The following IMMP1L variants were observed in gnomAD, a reference collection of about 807,000 sequenced individuals.
The protein encoded by IMMP1L is inner mitochondrial membrane peptidase subunit 1.
IMMP1L carries 24 observed loss-of-function variants against 21.8 expected under a neutral mutation model. The ratio of observed to expected loss-of-function variants is 1.10; its 90% CI spans 0.80 to 1.55. The LOEUF (loss-of-function observed/expected upper bound fraction) is 1.55, where lower values mean the gene tolerates loss of function less well. IMMP1L is among the 40% of genes most tolerant of loss of function. The pLI is 0.00. For synonymous variants in IMMP1L, 46 were observed against 62.8 expected (o/e 0.73, Z 1.26); for missense variants, 195 against 200.7 (o/e 0.97, Z 0.17).
chr11:31,500,057 G>C (rs2133822297), intron 1 of IMMP1L, among the ~76,000 whole-genome samples: 2 of 152,188 alleles, frequency 1.3e-5, no homozygotes, highest in Non-Finnish European at 2.9e-5. Context: ...TCCTCATCTG[G>C]CTATTAGAGA....
At chr11:31,466,669 T>C (rs1294365075) in intron 1 of IMMP1L, among the ~76,000 whole-genome samples, 1 of 151,964 alleles carries the variant, frequency 6.6e-6, no homozygotes, top group Non-Finnish European at 1.5e-5. Context: ...GGAAGAAAAA[T>C]ACCTTATGTT....
intron 4 of IMMP1L, among the ~76,000 whole-genome samples, chr11:31,444,582 T>C (rs972708501): frequency 2.0e-5 from 3 of 151,688 alleles, no homozygotes; most frequent in Admixed American, 1.3e-4. Context: ...AACTAACATT[T>C]CTATTCTTTT....
chr11:31,448,971 A>G, intron 4 of IMMP1L: 1 of 985,436 alleles, frequency 1.0e-6, no homozygotes, highest in Non-Finnish European at 1.2e-6. Flanking sequence ...CTTTAGCAAA[A>G]GAGTAAACAT....
intron 1 of IMMP1L, among the ~76,000 whole-genome samples, chr11:31,494,621 CAT>C (rs948893229): frequency 1.3e-5 from 2 of 152,098 alleles, no homozygotes; most frequent in African/African-American, 4.8e-5. Flanking sequence ...TTTTATATCA[CAT>C]AGTCAGGCTG....
chr11:31,475,240 A>G (rs1476670038), intron 1 of IMMP1L, among the ~76,000 whole-genome samples: 1 of 152,234 alleles, frequency 6.6e-6, no homozygotes, highest in African/African-American at 2.4e-5. Context: ...GATCATTTTA[A>G]TATAAGAAAG....
At chr11:31,496,658 A>G (rs917354790) in intron 1 of IMMP1L, among the ~76,000 whole-genome samples, 2 of 150,922 alleles carry the variant, frequency 1.3e-5, no homozygotes, top group Non-Finnish European at 3.0e-5. Flanking sequence ...ATGTTATCTT[A>G]TATATATGTT....
intron 4 of IMMP1L, chr11:31,437,016 A>T: frequency 3.7e-6 from 1 of 267,086 alleles, no homozygotes; most frequent in East Asian, 8.0e-5. Context: ...AAACAGCTTC[A>T]TCACTGATGT....
At chr11:31,508,197 G>C (rs1955847391) in intron 1 of IMMP1L, among the ~76,000 whole-genome samples, 8 of 152,152 alleles carry the variant, frequency 5.3e-5, no homozygotes, top group Admixed American at 5.2e-4. Context: ...GTTTCTATCT[G>C]ATATTGGACT....
intron 1 of IMMP1L, among the ~76,000 whole-genome samples, chr11:31,464,982 G>GA (rs1295497517): frequency 6.6e-6 from 1 of 151,916 alleles, no homozygotes; most frequent in Non-Finnish European, 1.5e-5. Flanking sequence ...CATCCAAATT[G>GA]AAAAAGAGGA....
chr11:31,453,470 T>C (rs1054795945), intron 4 of IMMP1L, among the ~76,000 whole-genome samples: 5 of 152,212 alleles, frequency 3.3e-5, no homozygotes, highest in Non-Finnish European at 7.4e-5. Context: ...CAATGATTTT[T>C]CTTAGAGGAT....
At chr11:31,459,719 T>C (rs1325094571) in intron 3 of IMMP1L, among the ~76,000 whole-genome samples, 2 of 152,104 alleles carry the variant, frequency 1.3e-5, no homozygotes, top group Non-Finnish European at 2.9e-5. Context: ...TTCTCCTGCC[T>C]CAGCCTGCTG....
chr11:31,456,232 A>T, intron 4 of IMMP1L, 28 bp downstream of exon 4: 1 of 1,495,210 alleles, frequency 6.7e-7, no homozygotes. Flanking sequence ...TATGACACCA[A>T]AAATAACATA....
intron 1 of IMMP1L, among the ~76,000 whole-genome samples, chr11:31,487,091 GTTATAA>G (rs572633543): frequency 3.3e-5 from 5 of 151,578 alleles, no homozygotes; most frequent in African/African-American, 1.2e-4. Context: ...ACAACAAAAA[GTTATAA>G]TTATATACTT....
At chr11:31,507,750 C>T (rs1283929734) in intron 1 of IMMP1L, among the ~76,000 whole-genome samples, 2 of 152,008 alleles carry the variant, frequency 1.3e-5, no homozygotes. Context: ...TATTATATAA[C>T]ATGAATTTAT....
chr11:31,449,302 G>A (rs1336856096), intron 4 of IMMP1L, among the ~76,000 whole-genome samples: 1 of 152,078 alleles, frequency 6.6e-6, no homozygotes, highest in East Asian at 1.9e-4. Flanking sequence ...TTGACTTTTA[G>A]CTAAGGGAAA....
intron 4 of IMMP1L, among the ~76,000 whole-genome samples, chr11:31,445,429 AT>A (rs1347599631): frequency 6.6e-6 from 1 of 152,156 alleles, no homozygotes; most frequent in Non-Finnish European, 1.5e-5. Context: ...TCACATAGAG[AT>A]TGGCCAGAAA....
At chr11:31,468,990 T>C (rs1023776420) in intron 1 of IMMP1L, among the ~76,000 whole-genome samples, 1 of 152,176 alleles carries the variant, frequency 6.6e-6, no homozygotes, top group Non-Finnish European at 1.5e-5. Flanking sequence ...CATGTTTTGA[T>C]TGTAGCCATC....
At chr11:31,432,785 T>C (rs1440512656) in intron 5 of IMMP1L, among the ~76,000 whole-genome samples, 2 of 152,202 alleles carry the variant, frequency 1.3e-5, no homozygotes, top group African/African-American at 4.8e-5. Context: ...ATTCAAACAA[T>C]GTACATGAAA....
rs202187225 is a variant in IMMP1L at position 31,497,046 on chromosome 11, T to TTATA, written c.-30+12469_-30+12472dup. Among the ~76,000 whole-genome samples, 20 of 149,810 alleles carry TTATA rather than the reference T, an allele frequency of 1.3e-4. No individual in the cohort carries two copies. The East Asian group carries it at 1.6e-3, about 12-fold the overall frequency. ...ACATGTTACATATATGTATTACATA[T>TTATA]TATATATATATACACACACAGATGG... On this transcript the variant is annotated intron_variant, in intron 1 of 5. Coordinates refer to ENST00000532287, the MANE Select transcript of IMMP1L (RefSeq NM_001304274.2).
Sources: gnomAD v4.1 joint callset for allele counts (sites outside exome capture counted in the v4.1 genomes callset) on GRCh38, gnomAD v4.1.1 for gene constraint, MANE v1.5 for transcripts, NCBI Gene and HGNC (gene_info 2026-07-23, HGNC 2026-07-21) for gene names.